NIBAN1: variants seen among roughly 807,000 people sequenced by gnomAD.
NIBAN1 encodes niban apoptosis regulator 1.
Under a neutral mutation model 75.1 loss-of-function variants are expected in NIBAN1, and 81 were observed. That is an observed-to-expected ratio of 1.08 (90% CI 0.90 to 1.30). The LOEUF is 1.30. NIBAN1 is among the 50% of genes most tolerant of loss of function. The pLI is 0.00. For synonymous variants in NIBAN1, 436 were observed against 424.8 expected (o/e 1.03, Z -0.32); for missense variants, 1,133 against 1,128.1 (o/e 1.00, Z -0.06).
chr1:184,906,124 G>A (rs913648216), intron 1 of NIBAN1, among the ~76,000 whole-genome samples: 6 of 151,562 alleles, frequency 4.0e-5, no homozygotes, highest in African/African-American at 1.5e-4. Flanking sequence ...ACCTGTAGTT[G>A]CAGCTACTCA....
intron 1 of NIBAN1, among the ~76,000 whole-genome samples, chr1:184,946,295 G>A (rs1055854065): frequency 6.6e-6 from 1 of 152,140 alleles, no homozygotes; most frequent in Non-Finnish European, 1.5e-5. Flanking sequence ...ACTAAATATG[G>A]TTACAGAAAA....
At chr1:184,950,126 A>G (rs1658323995) in intron 1 of NIBAN1, among the ~76,000 whole-genome samples, 1 of 152,180 alleles carries the variant, frequency 6.6e-6, no homozygotes, top group Non-Finnish European at 1.5e-5. Flanking sequence ...ACCCCACCCA[A>G]CCCCAACCCA....
At chr1:184,963,700 T>C (rs1571609708) in intron 1 of NIBAN1, among the ~76,000 whole-genome samples, 1 of 152,270 alleles carries the variant, frequency 6.6e-6, no homozygotes, top group East Asian at 1.9e-4. Context: ...AATAAACTTA[T>C]TAAACATTTT....
chr1:184,886,703 G>A (rs1656535039), intron 4 of NIBAN1, among the ~76,000 whole-genome samples: 2 of 152,126 alleles, frequency 1.3e-5, no homozygotes, highest in African/African-American at 4.8e-5. Flanking sequence ...TGTGCTTCCT[G>A]CATATGTATT....
At chr1:184,872,760 A>G (rs1015979974) in intron 5 of NIBAN1, among the ~76,000 whole-genome samples, 2 of 152,098 alleles carry the variant, frequency 1.3e-5, no homozygotes, top group Non-Finnish European at 2.9e-5. Context: ...TATCTAATGT[A>G]CATGTAATCA....
chr1:184,931,099 A>C (rs1025974042), intron 1 of NIBAN1, among the ~76,000 whole-genome samples: 3 of 149,444 alleles, frequency 2.0e-5, no homozygotes, highest in East Asian at 2.0e-4. Flanking sequence ...TTCTGGGTTC[A>C]AGCAATTCTC....
At chr1:184,904,555 A>G (rs1657041248) in intron 1 of NIBAN1, among the ~76,000 whole-genome samples, 1 of 152,178 alleles carries the variant, frequency 6.6e-6, no homozygotes, top group African/African-American at 2.4e-5. Flanking sequence ...TCCAATCATC[A>G]GATCTTGCCA....
At chr1:184,871,119 G>A (rs1656094753) in intron 5 of NIBAN1, among the ~76,000 whole-genome samples, 1 of 151,984 alleles carries the variant, frequency 6.6e-6, no homozygotes, top group Non-Finnish European at 1.5e-5. Context: ...GGCCAAGGTG[G>A]GCAAATCACC....
At chr1:184,890,336 A>G (rs1408261502) in intron 3 of NIBAN1, 114 bp from the exon 4 acceptor site, 1 of 728,166 alleles carries the variant, frequency 1.4e-6, no homozygotes, top group Non-Finnish European at 2.4e-6. Flanking sequence ...CAATCCCCAT[A>G]CTATGTTATT....
chr1:184,876,160 T>G (rs1480719689), intron 5 of NIBAN1, among the ~76,000 whole-genome samples: 2 of 140,562 alleles, frequency 1.4e-5, no homozygotes, highest in African/African-American at 2.7e-5. Context: ...GTAATAAGAG[T>G]GAAACTTCGT....
In NIBAN1 at chr1:184,954,180, T is replaced by C. The variant is rs1658427302; in HGVS notation, c.55+20122A>G. Among the ~76,000 whole-genome samples, 3 of 152,324 alleles carry C rather than the reference T, an allele frequency of 2.0e-5. No individual in the cohort carries two copies. The South Asian group carries it at 6.2e-4, about 32-fold the overall frequency. Reference sequence around the variant, plus strand: ...GAGAGTAAGTTGGATGGGGGAAACCTTGGACTATTCTAGGACAAAAAGTTC... The same window carrying C: ...GAGAGTAAGTTGGATGGGGGAAACCCTGGACTATTCTAGGACAAAAAGTTC... On this transcript the variant is annotated intron_variant, in intron 1 of 13. Transcript: ENST00000367511.
chr1:184,839,607 T>G (rs1655228907), intron 5 of NIBAN1, among the ~76,000 whole-genome samples: 1 of 152,034 alleles, frequency 6.6e-6, no homozygotes, highest in South Asian at 2.1e-4. Context: ...TTAATTTTTT[T>G]TTTTTGAGAC....
intron 4 of NIBAN1, among the ~76,000 whole-genome samples, chr1:184,886,540 C>G (rs954775134): frequency 2.6e-5 from 4 of 152,146 alleles, no homozygotes; most frequent in Non-Finnish European, 5.9e-5. Context: ...AAAATCAATT[C>G]CAAGCAACTC....
At chr1:184,901,484 T>C (rs1656953473) in intron 1 of NIBAN1, among the ~76,000 whole-genome samples, 1 of 152,186 alleles carries the variant, frequency 6.6e-6, no homozygotes, top group Non-Finnish European at 1.5e-5. Context: ...TTTTCTTACA[T>C]AGGAGTGGGA....
Position 184,851,660 on chromosome 1 carries a change from A to T in NIBAN1, c.602-19698T>A, listed in dbSNP as rs1244365472. Among the ~76,000 whole-genome samples, 3 of 150,678 alleles carry T rather than the reference A, an allele frequency of 2.0e-5. 1 individual carries two copies. The highest frequency in any genetic ancestry group is 4.4e-5 in the Non-Finnish European group (3 of 67,600). ...AAAAAAAATTAAAAAAAAAAATTTT[A>T]AAAAGAACCAGATTATACATTACAT... is the stretch of plus-strand genomic sequence containing the variant. On this transcript the variant is annotated intron_variant, in intron 5 of 13. Transcript: ENST00000367511.
chr1:184,967,921 C>CAAAATCCTTCATGGCTTT (rs1571613199), intron 1 of NIBAN1, among the ~76,000 whole-genome samples: 1 of 74,554 alleles, frequency 1.3e-5, no homozygotes, highest in African/African-American at 4.5e-5. Flanking sequence ...TCACAACTCA[C>CAAAATCCTTCATGGCTTT]GGCCGGGCGC....
At chr1:184,894,384 A>G (rs941862087) in intron 2 of NIBAN1, among the ~76,000 whole-genome samples, 178 bp from the exon 3 acceptor site, 51 of 152,260 alleles carry the variant, frequency 3.3e-4, no homozygotes, top group African/African-American at 1.2e-3. Context: ...CACTTGACCC[A>G]ATGTAAATAT....
chr1:184,909,716 G>A (rs148674829), intron 1 of NIBAN1, among the ~76,000 whole-genome samples: 5 of 152,306 alleles, frequency 3.3e-5, no homozygotes, highest in Admixed American at 6.5e-5. Context: ...TTGACCCACT[G>A]TCCACATGAT....
intron 1 of NIBAN1, among the ~76,000 whole-genome samples, chr1:184,904,198 T>G (rs1368962524): frequency 1.3e-5 from 2 of 151,302 alleles, no homozygotes; most frequent in African/African-American, 4.9e-5. Context: ...ACCCAGCCAA[T>G]TTTTGTATTT....
Sources: allele counts gnomAD v4.1 joint callset (sites outside exome capture counted in the v4.1 genomes callset), GRCh38; gene constraint gnomAD v4.1.1; transcripts MANE v1.5; gene names NCBI Gene and HGNC (gene_info 2026-07-23, HGNC 2026-07-21).